STARD13: variants seen among roughly 807,000 people sequenced by gnomAD.
The protein encoded by STARD13 is StAR related lipid transfer domain containing 13.
A neutral mutation model predicts 106.4 loss-of-function variants in STARD13; 62 were observed. The ratio of observed to expected loss-of-function variants is 0.58; its 90% CI spans 0.48 to 0.72. STARD13 has a LOEUF of 0.72. Among genes scored for constraint, STARD13 ranks in the 30% least tolerant of loss-of-function variants. The pLI, the probability that STARD13 is intolerant of heterozygous loss-of-function variation, is 0.00. For missense variants in STARD13, 1,387 were observed against 1,424.0 expected, an observed-to-expected ratio of 0.97 and a Z score of 0.42; for synonymous variants, 565 against 553.0, an observed-to-expected ratio of 1.02 and a Z score of -0.31.
chr13:33,592,355 TAA>T, the STARD13 span, among the ~76,000 whole-genome samples: 1 of 152,314 alleles, frequency 6.6e-6, no homozygotes, highest in African/African-American at 2.4e-5. Context: ...GTTTTAGCCA[TAA>T]AAAATAGGCC....
the STARD13 span, among the ~76,000 whole-genome samples, chr13:33,480,076 T>A: frequency 6.6e-6 from 1 of 152,226 alleles, no homozygotes; most frequent in Non-Finnish European, 1.5e-5. Flanking sequence ...GGAGAAGGAA[T>A]GTATAGTGTA....
chr13:33,204,912 C>T (rs1887305705), intron 1 of STARD13, among the ~76,000 whole-genome samples: 1 of 152,224 alleles, frequency 6.6e-6, no homozygotes, highest in Non-Finnish European at 1.5e-5. Context: ...AGACAGCCTG[C>T]TAATGCAGAT....
the STARD13 span, among the ~76,000 whole-genome samples, chr13:33,551,110 T>C: frequency 6.6e-6 from 1 of 152,076 alleles, no homozygotes; most frequent in East Asian, 1.9e-4. Context: ...ACATAATGAG[T>C]AAGGCATGTA....
chr13:33,458,465 G>C, the STARD13 span, among the ~76,000 whole-genome samples: 1 of 151,948 alleles, frequency 6.6e-6, no homozygotes, highest in Non-Finnish European at 1.5e-5. Flanking sequence ...TTTCAGCAAG[G>C]AATCTTTTAT....
the STARD13 span, among the ~76,000 whole-genome samples, chr13:33,441,565 C>G: frequency 3.3e-5 from 5 of 152,028 alleles, no homozygotes; most frequent in Non-Finnish European, 7.4e-5. Flanking sequence ...TGTCCTGAGC[C>G]CCAAGTGTAG....
chr13:33,486,370 C>T, the STARD13 span, among the ~76,000 whole-genome samples: 7 of 152,034 alleles, frequency 4.6e-5, no homozygotes, highest in African/African-American at 1.7e-4. Flanking sequence ...AGTACCAACC[C>T]CTATATAAAC....
intron 3 of STARD13, among the ~76,000 whole-genome samples, chr13:33,157,417 T>A (rs1284521662): frequency 1.3e-5 from 2 of 152,206 alleles, no homozygotes; most frequent in Non-Finnish European, 2.9e-5. Context: ...CCTGTAATCC[T>A]AGCATTTTGT....
the STARD13 span, among the ~76,000 whole-genome samples, chr13:33,571,856 G>C: frequency 6.6e-6 from 1 of 152,042 alleles, no homozygotes; most frequent in Non-Finnish European, 1.5e-5. Context: ...GTCTCTTCTG[G>C]GACTTAAGAG....
the STARD13 span, among the ~76,000 whole-genome samples, chr13:33,509,397 C>T: frequency 5.3e-5 from 8 of 152,192 alleles, no homozygotes; most frequent in South Asian, 2.1e-4. Flanking sequence ...GGAAACATAA[C>T]GGGAAAAGAG....
the STARD13 span, among the ~76,000 whole-genome samples, chr13:33,418,414 G>A: frequency 1.3e-5 from 2 of 152,236 alleles, no homozygotes; most frequent in African/African-American, 2.4e-5. Flanking sequence ...TGAGGCTTAA[G>A]TAGGTAAACA....
chr13:33,536,565 G>C, the STARD13 span, among the ~76,000 whole-genome samples: 1 of 152,034 alleles, frequency 6.6e-6, no homozygotes, highest in African/African-American at 2.4e-5. Context: ...TAAACATTAG[G>C]GATGTATATG....
the STARD13 span, among the ~76,000 whole-genome samples, chr13:33,643,917 T>G: frequency 6.6e-6 from 1 of 152,206 alleles, no homozygotes; most frequent in South Asian, 2.1e-4. Flanking sequence ...AAACTCCAGT[T>G]TGGACACCTC....
the STARD13 span, among the ~76,000 whole-genome samples, chr13:33,603,301 T>C: frequency 6.6e-6 from 1 of 152,174 alleles, no homozygotes; most frequent in Admixed American, 6.5e-5. Context: ...CAGCACATGA[T>C]TAAAACCTTC....
rs1190491022 is a variant in STARD13, at chr13:33,140,762, C to CTTTTT, written c.387+1547_387+1548insAAAAA. Among the ~76,000 whole-genome samples, 32 of 142,284 alleles carry CTTTTT rather than the reference C, an allele frequency of 2.2e-4. 4 individuals are homozygous for CTTTTT. The highest frequency in any genetic ancestry group is 2.3e-4 in the Non-Finnish European group (15 of 64,896). The allele number at this position is 142,284 out of a possible 152,430, so 93.3% of individuals were successfully genotyped here. A position where few individuals can be genotyped will look rare whatever the true frequency, so the allele number is the denominator to read the frequency against. ...GACCAGGATAAAAACACTTTCTTTT[C>CTTTTT]TTTCTTTTTTTTTTTTTTGAGGCGG... On this transcript the variant is annotated intron_variant, in intron 4 of 13. Transcript: ENST00000336934.
the STARD13 span, among the ~76,000 whole-genome samples, chr13:33,550,284 T>G: frequency 1.3e-5 from 2 of 152,214 alleles, no homozygotes; most frequent in Non-Finnish European, 2.9e-5. Context: ...CATAATAATT[T>G]ACTGGAAAGA....
At chr13:33,170,779 C>T (rs773688936) in intron 1 of STARD13, among the ~76,000 whole-genome samples, 15 of 152,156 alleles carry the variant, frequency 9.9e-5, no homozygotes, top group Non-Finnish European at 1.2e-4. Context: ...GCAGTCCCAA[C>T]ATCTTGATAC....
chr13:33,428,092 A>G, the STARD13 span, among the ~76,000 whole-genome samples: 16 of 152,366 alleles, frequency 1.1e-4, no homozygotes, highest in Admixed American at 9.1e-4. Flanking sequence ...TAGCCTCTTC[A>G]ATGAATGGTT....
the STARD13 span, among the ~76,000 whole-genome samples, chr13:33,555,507 C>G: frequency 3.3e-5 from 5 of 152,166 alleles, no homozygotes; most frequent in African/African-American, 1.2e-4. Context: ...TTATAAATTT[C>G]AATACCCTGG....
chr13:33,399,424 G>A, the STARD13 span, among the ~76,000 whole-genome samples: 2 of 152,044 alleles, frequency 1.3e-5, no homozygotes, highest in South Asian at 4.2e-4. Flanking sequence ...GCCAGGCATG[G>A]TGGTTCACAC....
Sources: allele counts gnomAD v4.1 joint callset (sites outside exome capture counted in the v4.1 genomes callset), GRCh38; gene constraint gnomAD v4.1.1; transcripts MANE v1.5; gene names NCBI Gene and HGNC (gene_info 2026-07-23, HGNC 2026-07-21).